Variants in SNTG1 observed in about 807,000 individuals in gnomAD.
The protein encoded by SNTG1 is syntrophin gamma 1, also known as gamma-1-syntrophin.
In SNTG1, 39 loss-of-function variants were observed where a neutral mutation model predicts 74.7. The observed-to-expected ratio is 0.52, with a 90% CI of 0.40 to 0.68. SNTG1 has a LOEUF of 0.68. Among genes scored for constraint, SNTG1 ranks in the 30% least tolerant of loss-of-function variants. SNTG1 has a pLI of 0.00. For missense variants in SNTG1, 685 were observed against 609.5 expected (o/e 1.12, Z -1.30); for synonymous variants, 254 against 217.1 (o/e 1.17, Z -1.49).
chr8:50,120,740 T>C (rs1218402079), intron 1 of SNTG1, among the ~76,000 whole-genome samples: 1 of 142,772 alleles, frequency 7.0e-6, no homozygotes, highest in Non-Finnish European at 1.6e-5. Context: ...TTTTAGGTGA[T>C]CACATTTTAA....
At chr8:50,267,185 G>A (rs1278826970) in intron 2 of SNTG1, among the ~76,000 whole-genome samples, 1 of 151,956 alleles carries the variant, frequency 6.6e-6, no homozygotes, top group Non-Finnish European at 1.5e-5. Context: ...TGTTATTAAA[G>A]TTTAAATGTA....
chr8:50,571,323 G>C (rs1489454354), intron 12 of SNTG1, among the ~76,000 whole-genome samples: 1 of 152,166 alleles, frequency 6.6e-6, no homozygotes, highest in African/African-American at 2.4e-5. Context: ...TCCTGTCCCG[G>C]GCTCAAGAGA....
At chr8:49,931,195 A>G (rs1027790798) in intron 1 of SNTG1, among the ~76,000 whole-genome samples, 16 of 152,258 alleles carry the variant, frequency 1.1e-4, no homozygotes, top group Non-Finnish European at 4.4e-5. Context: ...ATGCAGAGCA[A>G]CAGGAACTCT....
At chr8:50,590,172 G>A (rs2094682676) in intron 12 of SNTG1, among the ~76,000 whole-genome samples, 1 of 152,132 alleles carries the variant, frequency 6.6e-6, no homozygotes, top group South Asian at 2.1e-4. Flanking sequence ...TGCTGTAAGT[G>A]TATACCATAG....
chr8:50,607,671 T>A (rs1315624597), intron 13 of SNTG1, among the ~76,000 whole-genome samples: 1 of 151,712 alleles, frequency 6.6e-6, no homozygotes, highest in Non-Finnish European at 1.5e-5. Context: ...TTTCTGTGAC[T>A]TCTTCGTTGT....
intron 15 of SNTG1, among the ~76,000 whole-genome samples, chr8:50,689,590 G>A (rs2131434938): frequency 6.8e-6 from 1 of 146,210 alleles, no homozygotes; most frequent in Middle Eastern, 3.7e-3. Flanking sequence ...GCATCCCGGG[G>A]ATGAAGCCCA....
intron 12 of SNTG1, among the ~76,000 whole-genome samples, chr8:50,572,275 T>TATATATATAGAG (rs567247331): frequency 6.7e-6 from 1 of 148,310 alleles, no homozygotes; most frequent in Admixed American, 6.7e-5. Flanking sequence ...TATATATATA[T>TATATATATAGAG]AGAGAGAGAG....
chr8:50,517,479 A>G (rs1346372278), intron 9 of SNTG1, among the ~76,000 whole-genome samples: 1 of 152,200 alleles, frequency 6.6e-6, no homozygotes, highest in East Asian at 1.9e-4. Flanking sequence ...TGCCCCAATT[A>G]AAAGATACAG....
At position 50,249,641 on chromosome 8, in the gene SNTG1, C is replaced by T. The variant is rs141022427; in HGVS notation, c.-28+77006C>T. 3.1e-3 allele frequency among the ~76,000 whole-genome samples: 476 copies of T among 152,300 alleles called. 4 individuals are homozygous for T. Among genetic ancestry groups the T allele is most frequent in the Non-Finnish European group, 5.7e-3 (386 of 68,040 alleles). ...GTCCTACCAATGACTAGTCCACCACCCTTGCCACTACAACACCACAGTCAC... is the reference window on the plus strand; with the variant it reads ...GTCCTACCAATGACTAGTCCACCACTCTTGCCACTACAACACCACAGTCAC... On this transcript the variant is annotated intron_variant, in intron 2 of 18. Transcript: ENST00000642720.
intron 16 of SNTG1, chr8:50,708,350 T>C (rs982514176): frequency 1.3e-5 from 2 of 153,826 alleles, no homozygotes; most frequent in South Asian, 2.1e-4. Context: ...TCGTGCAATA[T>C]CGAAGAACAG....
At chr8:50,176,522 T>G (rs1471848718) in intron 2 of SNTG1, among the ~76,000 whole-genome samples, 1 of 152,126 alleles carries the variant, frequency 6.6e-6, no homozygotes, top group Non-Finnish European at 1.5e-5. Context: ...AAAAGCTTCA[T>G]GTAGGGAAGG....
chr8:50,732,228 TATC>T (rs1173207036), intron 17 of SNTG1, among the ~76,000 whole-genome samples: 20 of 152,088 alleles, frequency 1.3e-4, no homozygotes, highest in African/African-American at 4.8e-4. Context: ...ATATATAAAA[TATC>T]ATTTCAAATT....
intron 1 of SNTG1, among the ~76,000 whole-genome samples, chr8:49,913,562 G>A (rs183860538): frequency 1.1e-4 from 17 of 152,270 alleles, no homozygotes; most frequent in African/African-American, 2.9e-4. Flanking sequence ...AGGAGCAGAG[G>A]CATCTATGTC....
chr8:50,649,194 A>G (rs762154563), intron 13 of SNTG1, among the ~76,000 whole-genome samples: 8 of 152,190 alleles, frequency 5.3e-5, no homozygotes, highest in East Asian at 1.9e-4. Flanking sequence ...TGCTGTGAAC[A>G]CTGGTACACA....
intron 2 of SNTG1, among the ~76,000 whole-genome samples, chr8:50,288,161 G>T (rs1055494393): frequency 1.3e-5 from 2 of 152,130 alleles, no homozygotes; most frequent in African/African-American, 4.8e-5. Flanking sequence ...ATTGATTGAG[G>T]AAGCAATTGT....
intron 6 of SNTG1, 79 bp from the exon 7 acceptor site, chr8:50,450,477 C>T (rs548976878): frequency 1.9e-5 from 27 of 1,428,652 alleles, no homozygotes; most frequent in African/African-American, 2.8e-5. Flanking sequence ...GTAAATTTTA[C>T]CTTTATTTAA....
intron 2 of SNTG1, among the ~76,000 whole-genome samples, chr8:50,284,590 A>T (rs555354364): frequency 6.6e-6 from 1 of 152,076 alleles, no homozygotes; most frequent in East Asian, 1.9e-4. Flanking sequence ...AAATGCTCCA[A>T]TTTCATCTTG....
At chr8:50,432,047 A>G (rs561696448) in intron 4 of SNTG1, among the ~76,000 whole-genome samples, 1 of 152,278 alleles carries the variant, frequency 6.6e-6, no homozygotes, top group South Asian at 2.1e-4. Context: ...TCATTTATCA[A>G]CATTTTTATA....
intron 4 of SNTG1, among the ~76,000 whole-genome samples, chr8:50,421,047 G>A (rs538358560): frequency 0.01 from 1,016 of 100,372 alleles, 79 homozygotes; most frequent in African/African-American, 0.034. Flanking sequence ...GGCGGTGGGC[G>A]GGGGAGGGGG....
Sources: gnomAD v4.1 joint callset for allele counts (sites outside exome capture counted in the v4.1 genomes callset) on GRCh38, gnomAD v4.1.1 for gene constraint, MANE v1.5 for transcripts, NCBI Gene and HGNC (gene_info 2026-07-23, HGNC 2026-07-21) for gene names.